Variants in SOCS2 observed in about 807,000 individuals in gnomAD.
SOCS2 encodes the protein suppressor of cytokine signaling 2, also known as CIS-2.
SOCS2 carries 10 observed loss-of-function variants against 18.6 expected under a neutral mutation model. That is an observed-to-expected ratio of 0.54 (90% CI 0.33 to 0.91). The LOEUF is 0.91. Among genes scored for constraint, SOCS2 ranks in the 40% least tolerant of loss-of-function variants. The pLI is 0.02. For missense variants in SOCS2, 231 were observed against 247.2 expected (o/e 0.93, Z 0.44); for synonymous variants, 104 against 104.0 (o/e 1.00, Z 0.00).
chr12:93,615,092 C>T, the SOCS2 span, among the ~76,000 whole-genome samples: 1 of 152,104 alleles, frequency 6.6e-6, no homozygotes, highest in Non-Finnish European at 1.5e-5. Context: ...TCTCCTCATG[C>T]CTTAACCCTC....
the SOCS2 span, among the ~76,000 whole-genome samples, chr12:93,591,580 C>T: frequency 6.6e-6 from 1 of 152,204 alleles, no homozygotes; most frequent in Non-Finnish European, 1.5e-5. Context: ...GATCCTGGCG[C>T]CACGGGGTGA....
the SOCS2 span, among the ~76,000 whole-genome samples, chr12:93,592,413 A>G: frequency 1.3e-5 from 2 of 152,194 alleles, no homozygotes; most frequent in South Asian, 2.1e-4. Context: ...GGTTGTTCCC[A>G]GTTTCGTGCT....
the SOCS2 span, among the ~76,000 whole-genome samples, chr12:93,593,156 T>A: frequency 6.6e-6 from 1 of 152,104 alleles, no homozygotes; most frequent in Non-Finnish European, 1.5e-5. Context: ...ACAATGAAAC[T>A]GATTTCCTAC....
chr12:93,614,430 C>CTTCCTTT, the SOCS2 span, among the ~76,000 whole-genome samples: 1 of 17,944 alleles, frequency 5.6e-5, no homozygotes, highest in African/African-American at 4.0e-4. Context: ...CCTTTCTTTC[C>CTTCCTTT]CTTCCTTCCT....
At chr12:93,571,881 G>A, upstream of SOCS2, 1 of 432,456 alleles carries the variant, frequency 2.3e-6, no homozygotes, top group Non-Finnish European at 4.6e-6. Context: ...TGCCTGGTGC[G>A]GAGGCGGCGG....
chr12:93,614,533 T>C, the SOCS2 span, among the ~76,000 whole-genome samples: 1 of 93,238 alleles, frequency 1.1e-5, no homozygotes, highest in Non-Finnish European at 1.9e-5. Flanking sequence ...CCTTCCTTCC[T>C]TCCTTCCTTC....
At chr12:93,622,227 C>A in the SOCS2 span, among the ~76,000 whole-genome samples, 1 of 152,184 alleles carries the variant, frequency 6.6e-6, no homozygotes, top group African/African-American at 2.4e-5. Flanking sequence ...ATAAGGAATG[C>A]ACCTTGGTAG....
the SOCS2 span, among the ~76,000 whole-genome samples, chr12:93,601,204 C>A: frequency 6.6e-6 from 1 of 150,912 alleles, no homozygotes; most frequent in South Asian, 2.1e-4. Context: ...AGCGACCTTT[C>A]TGAATTCTTA....
chr12:93,607,552 G>C, the SOCS2 span, among the ~76,000 whole-genome samples: 1 of 152,182 alleles, frequency 6.6e-6, no homozygotes, highest in Non-Finnish European at 1.5e-5. Flanking sequence ...TGAAGTCATT[G>C]CATGGTGCAA....
At chr12:93,606,374 C>T in the SOCS2 span, among the ~76,000 whole-genome samples, 2 of 152,118 alleles carry the variant, frequency 1.3e-5, no homozygotes, top group South Asian at 4.1e-4. Flanking sequence ...GCCCAAGTTA[C>T]CCCATTCAAC....
chr12:93,619,320 CACAG>C, the SOCS2 span, among the ~76,000 whole-genome samples: 1 of 152,180 alleles, frequency 6.6e-6, no homozygotes, highest in Non-Finnish European at 1.5e-5. Context: ...GAGAGCCTTA[CACAG>C]TCCATAGGGG....
the SOCS2 span, among the ~76,000 whole-genome samples, chr12:93,606,072 T>C: frequency 2.6e-5 from 4 of 152,320 alleles, no homozygotes; most frequent in Non-Finnish European, 4.4e-5. Flanking sequence ...CCTATCTTGT[T>C]GCTCTGCTCT....
chr12:93,590,159 C>T, the SOCS2 span, among the ~76,000 whole-genome samples: 13 of 151,758 alleles, frequency 8.6e-5, no homozygotes, highest in African/African-American at 2.9e-4. Context: ...GGCTTGAACC[C>T]GGTAGGTGGA....
chr12:93,599,641 C>T, the SOCS2 span, among the ~76,000 whole-genome samples: 1 of 152,256 alleles, frequency 6.6e-6, no homozygotes, highest in East Asian at 1.9e-4. Context: ...AGAGGTGGGA[C>T]CTTTAATAGA....
At chr12:93,618,650 G>T in the SOCS2 span, among the ~76,000 whole-genome samples, 1 of 152,238 alleles carries the variant, frequency 6.6e-6, no homozygotes, top group Non-Finnish European at 1.5e-5. Flanking sequence ...TCTTTGGATT[G>T]CTGGCTCCCT....
chr12:93,574,523 A>G, intron 1 of SOCS2, 199 bp from the exon 2 acceptor site: 1 of 446,228 alleles, frequency 2.2e-6, no homozygotes, highest in Middle Eastern at 5.7e-4. Flanking sequence ...GTTTGTGTTC[A>G]TAAAATGGAC....
At chr12:93,571,887 G>T, upstream of SOCS2, 1 of 432,540 alleles carries the variant, frequency 2.3e-6, no homozygotes, top group Non-Finnish European at 4.6e-6. Context: ...GTGCGGAGGC[G>T]GCGGCGGCGG....
the SOCS2 span, among the ~76,000 whole-genome samples, chr12:93,595,262 T>C: frequency 6.6e-6 from 1 of 152,200 alleles, no homozygotes; most frequent in Non-Finnish European, 1.5e-5. Flanking sequence ...CTTCACATAT[T>C]TTAACTAATT....
At chr12:93,600,599 A>G in the SOCS2 span, among the ~76,000 whole-genome samples, 1 of 152,108 alleles carries the variant, frequency 6.6e-6, no homozygotes, top group Non-Finnish European at 1.5e-5. Flanking sequence ...TTTCCATCCC[A>G]TACATGAACA....
Sources: allele counts gnomAD v4.1 joint callset (sites outside exome capture counted in the v4.1 genomes callset), GRCh38; gene constraint gnomAD v4.1.1; transcripts MANE v1.5; gene names NCBI Gene and HGNC (gene_info 2026-07-23, HGNC 2026-07-21).